IL15: variants seen among roughly 807,000 people sequenced by gnomAD.
IL15 encodes interleukin-15.
Under a neutral mutation model 19.6 loss-of-function variants are expected in IL15, and 11 were observed. That is an observed-to-expected ratio of 0.56 (90% confidence interval 0.35 to 0.93). The LOEUF is 0.93. Ranked by LOEUF, IL15 falls within the 40% of genes least tolerant of loss-of-function variation. The probability of loss-of-function intolerance (pLI) is 0.01; values close to 1 mark genes in which losing one functional copy is unlikely to be tolerated. For missense variants in IL15, 197 were observed against 186.5 expected, an observed-to-expected ratio of 1.06 and a Z score of -0.33; for synonymous variants, 58 against 59.6, an observed-to-expected ratio of 0.97 and a Z score of 0.12.
In IL15 at chr4:141,721,043, T is replaced by A; in HGVS notation, c.110+477T>A. ...CATATGTTTCCATGACTATTAACTT[T>A]TTTCTTCTCTCTTAGATGCAGCTAA... On this transcript the variant is annotated intron_variant, in intron 4 of 7. Transcript: ENST00000320650. 3.7e-6 allele frequency: 3 copies of A among 810,044 alleles called. No individual in the cohort carries two copies. The South Asian group carries it at 5.1e-5, about 14-fold the overall frequency. The allele number at this position is 810,044 out of a possible 1,614,324, so 50.2% of individuals were successfully genotyped here.
intron 2 of IL15, among the ~76,000 whole-genome samples, chr4:141,706,910 A>G (rs1560930025): frequency 6.6e-6 from 1 of 152,154 alleles, no homozygotes; most frequent in Admixed American, 6.5e-5. Flanking sequence ...CAATTTAATT[A>G]GGGACTTTTC....
intron 2 of IL15, among the ~76,000 whole-genome samples, chr4:141,682,506 A>G (rs1728565347): frequency 6.6e-6 from 1 of 152,216 alleles, no homozygotes; most frequent in Non-Finnish European, 1.5e-5. Flanking sequence ...GCATGTCCAT[A>G]ACACACATAA....
chr4:141,693,016 CAA>C (rs70949131), intron 2 of IL15, among the ~76,000 whole-genome samples: 573 of 23,172 alleles, frequency 0.025, 6 homozygotes, highest in African/African-American at 0.085. Context: ...GACTCCGTCT[CAA>C]AAAAAAAAAA....
At chr4:141,646,944 T>G (rs188307632) in intron 1 of IL15, among the ~76,000 whole-genome samples, 2 of 152,198 alleles carry the variant, frequency 1.3e-5, no homozygotes, top group Admixed American at 6.6e-5. Context: ...AATATTTGCT[T>G]GAGTATTTAA....
At chr4:141,657,880 A>AT (rs1727660310) in intron 2 of IL15, among the ~76,000 whole-genome samples, 1 of 152,260 alleles carries the variant, frequency 6.6e-6, no homozygotes, top group Non-Finnish European at 1.5e-5. Flanking sequence ...AAAGTATAGT[A>AT]TAATAAATAC....
At chr4:141,701,581 G>A (rs1368625477) in intron 2 of IL15, among the ~76,000 whole-genome samples, 1 of 152,250 alleles carries the variant, frequency 6.6e-6, no homozygotes, top group East Asian at 1.9e-4. Context: ...TTTATTTACT[G>A]AGTTGATGAT....
At chr4:141,643,373 T>C (rs1344922039) in intron 1 of IL15, among the ~76,000 whole-genome samples, 1 of 152,322 alleles carries the variant, frequency 6.6e-6, no homozygotes, top group South Asian at 2.1e-4. Flanking sequence ...CAACCTTAAC[T>C]ATATTCTCTG....
intron 4 of IL15, 193 bp downstream of exon 4, chr4:141,720,759 G>A: frequency 1.7e-6 from 1 of 599,284 alleles, no homozygotes; most frequent in Non-Finnish European, 2.9e-6. Flanking sequence ...TTTCTACATT[G>A]TGGTAATAGT....
intron 2 of IL15, among the ~76,000 whole-genome samples, chr4:141,671,392 C>G (rs1176576506): frequency 6.6e-6 from 1 of 152,142 alleles, no homozygotes; most frequent in East Asian, 1.9e-4. Context: ...ATTACTAACT[C>G]ATGTTTTCTG....
At chr4:141,683,942 T>C (rs1053846402) in intron 2 of IL15, among the ~76,000 whole-genome samples, 1 of 152,202 alleles carries the variant, frequency 6.6e-6, no homozygotes, top group Non-Finnish European at 1.5e-5. Flanking sequence ...TAACTAGCTT[T>C]AGTAGACAGG....
At chr4:141,728,641 C>T (rs1328928919) in intron 6 of IL15, among the ~76,000 whole-genome samples, 1 of 152,094 alleles carries the variant, frequency 6.6e-6, no homozygotes, top group African/African-American at 2.4e-5. Flanking sequence ...GGAAAACAAA[C>T]TCTATGTCCT....
At chr4:141,715,068 T>A (rs1197098666) in intron 2 of IL15, 9 of 152,276 alleles carry the variant, frequency 5.9e-5, no homozygotes, top group Admixed American at 5.9e-4. Context: ...TTTCAGTTGA[T>A]GTCAGCTCCA....
chr4:141,678,748 C>T (rs1022106325), intron 2 of IL15, among the ~76,000 whole-genome samples: 7 of 151,892 alleles, frequency 4.6e-5, no homozygotes, highest in East Asian at 1.9e-4. Context: ...ACTACAGGCA[C>T]GTGCCACCAC....
intron 5 of IL15, among the ~76,000 whole-genome samples, chr4:141,722,357 C>T (rs540703034): frequency 1.2e-4 from 18 of 152,010 alleles, no homozygotes; most frequent in Non-Finnish European, 2.5e-4. Context: ...CCTCTTCTCC[C>T]ACCTCAAGAA....
intron 2 of IL15, among the ~76,000 whole-genome samples, chr4:141,713,219 A>C (rs1729766572): frequency 6.6e-6 from 1 of 152,152 alleles, no homozygotes; most frequent in Admixed American, 6.6e-5. Context: ...TAATGATAGG[A>C]AGATTGGAGA....
At chr4:141,696,316 G>A (rs965038497) in intron 2 of IL15, among the ~76,000 whole-genome samples, 1 of 152,038 alleles carries the variant, frequency 6.6e-6, no homozygotes, top group Non-Finnish European at 1.5e-5. Flanking sequence ...CCAGTATCAT[G>A]CTGTTTTGGT....
chr4:141,707,062 G>A (rs971477971), intron 2 of IL15, among the ~76,000 whole-genome samples: 11 of 152,006 alleles, frequency 7.2e-5, no homozygotes, highest in African/African-American at 2.7e-4. Flanking sequence ...TTGCCTAATT[G>A]TATCCCATGT....
chr4:141,718,485 A>T (rs930944243), intron 2 of IL15: 1 of 152,332 alleles, frequency 6.6e-6, no homozygotes, highest in East Asian at 1.9e-4. Context: ...GATTTAGATC[A>T]TATGTAACAG....
chr4:141,724,067 G>A (rs1010380819), intron 5 of IL15, among the ~76,000 whole-genome samples: 3 of 152,026 alleles, frequency 2.0e-5, no homozygotes, highest in Non-Finnish European at 4.4e-5. Flanking sequence ...TATATACTGA[G>A]CCATAAAAGA....
Sources: gnomAD v4.1 joint callset for allele counts (sites outside exome capture counted in the v4.1 genomes callset) on GRCh38, gnomAD v4.1.1 for gene constraint, MANE v1.5 for transcripts, NCBI Gene and HGNC (gene_info 2026-07-23, HGNC 2026-07-21) for gene names.